The following DDHD1 variants were observed in gnomAD, a reference collection of about 807,000 sequenced individuals.
The protein encoded by DDHD1 is DDHD domain containing 1, also known as phospholipase DDHD1.
A neutral mutation model predicts 96.4 loss-of-function variants in DDHD1; 49 were observed. The ratio of observed to expected loss-of-function variants is 0.51; its 90% confidence interval spans 0.40 to 0.64. The LOEUF (loss-of-function observed/expected upper bound fraction) is 0.64. DDHD1 is among the 30% of genes least tolerant of loss of function. The pLI is 0.00. For synonymous variants in DDHD1, 442 were observed against 446.5 expected (o/e 0.99, Z 0.13); for missense variants, 1,106 against 1,161.2 (o/e 0.95, Z 0.69).
chr14:53,126,713 G>A (rs1411926966), intron 1 of DDHD1, among the ~76,000 whole-genome samples: 1 of 152,036 alleles, frequency 6.6e-6, no homozygotes, highest in Admixed American at 6.6e-5. Context: ...CAATTTCTCT[G>A]GAAAGCTTTT....
At chr14:53,063,718 T>A (rs142352107) in intron 6 of DDHD1, among the ~76,000 whole-genome samples, 1 of 152,074 alleles carries the variant, frequency 6.6e-6, no homozygotes, top group Non-Finnish European at 1.5e-5. Context: ...CACTGAATGA[T>A]TGAAGAAAAA....
chr14:53,078,457 T>TA (rs971638481), intron 4 of DDHD1, among the ~76,000 whole-genome samples: 105 of 152,240 alleles, frequency 6.9e-4, no homozygotes, highest in South Asian at 1.4e-3. Flanking sequence ...TTTACCCATT[T>TA]AAAAAAACTG....
At position 53,078,508 on chromosome 14, in the gene DDHD1, T is replaced by A. The variant is rs144980018; in HGVS notation, c.1290-4661A>T. ...AAAAACTGTTGAGTTGTAAGAGTAC[T>A]TTATATATCCTGGATCCTAGACCTT... On this transcript the variant is annotated intron_variant, in intron 4 of 12. Coordinates refer to ENST00000673822, the MANE Select transcript of DDHD1 (RefSeq NM_001160148.2). 9.2e-5 allele frequency among the ~76,000 whole-genome samples: 14 copies of A among 152,266 alleles called. No homozygotes were observed. The East Asian group carries it at 2.3e-3, about 25-fold the overall frequency.
chr14:53,037,307 TTTAAG>T lies in DDHD1; in HGVS notation c.*9456_*9460del, dbSNP rs1157747674. ...ATGCTGGGTTGAATGGTAGATCTGTTTTAAGTTATTTGAGAAATCTCCAAACTGCT... is the reference window on the plus strand; with the variant it reads ...ATGCTGGGTTGAATGGTAGATCTGTTTTATTTGAGAAATCTCCAAACTGCT... On this transcript the variant is annotated 3_prime_UTR_variant, in exon 13 of 13. Coordinates refer to ENST00000673822, the MANE Select transcript of DDHD1 (RefSeq NM_001160148.2). 1.3e-5 allele frequency: 2 copies of T among 152,112 alleles called. No individual in the cohort carries two copies. The highest frequency in any genetic ancestry group is 2.9e-5 in the Non-Finnish European group (2 of 68,006). The allele number at this position is 152,112 out of a possible 1,614,324, so 9.4% of individuals were successfully genotyped here.
At chr14:53,148,244 A>G (rs527727298) in intron 1 of DDHD1, among the ~76,000 whole-genome samples, 2 of 152,370 alleles carry the variant, frequency 1.3e-5, no homozygotes, top group Non-Finnish European at 2.9e-5. Context: ...TTATTAGTTT[A>G]GTCAATGAAT....
Position 53,099,277 on chromosome 14 carries a change from A to G in DDHD1, c.1012+4406T>C, listed in dbSNP as rs563151059. ...ATAGTATAATTATCAAAACTAAGAC[A>G]TTAACAGTGGTACAATACTATCAAC... On this transcript the variant is annotated intron_variant, in intron 2 of 12. Transcript: ENST00000673822. Among the ~76,000 whole-genome samples, 3 of 152,314 alleles carry G rather than the reference A, an allele frequency of 2.0e-5. No homozygotes were observed. The East Asian group carries it at 5.8e-4, about 29-fold the overall frequency.
In DDHD1 at chr14:53,153,038, C is replaced by G; in HGVS notation, c.61G>C (p.Gly21Arg). ...TCTGAGCCCAGCTCCCAGGCGCCGC[C>G]GCCGCCGCCTCGGCCGTTATGCTCG... ...SPEHNGRGGG[G>R]GAWELGSDAR... The change falls in exon 1 of 13, where the codon GGC becomes CGC. Residue 21 changes from glycine (G) to arginine (R), a missense_variant. Around this residue, in one of 2 missense-constraint regions of DDHD1, gnomAD observed 456 missense variants for 402.4 expected, o/e 1.13. Transcript: ENST00000673822. 6.7e-7 allele frequency: 1 copy of G among 1,497,448 alleles called. No individual in the cohort carries two copies. Among genetic ancestry groups the G allele is most frequent in the Non-Finnish European group, 8.9e-7 (1 of 1,129,324 alleles). 92.8% of individuals were successfully genotyped at this position (1,497,448 alleles called of 1,614,324 possible).
intron 1 of DDHD1, among the ~76,000 whole-genome samples, chr14:53,118,946 C>T (rs1239414815): frequency 1.3e-5 from 2 of 152,196 alleles, no homozygotes; most frequent in Non-Finnish European, 2.9e-5. Flanking sequence ...GAAAGCCCAT[C>T]AGACTAACGG....
chr14:53,054,158 C>T, intron 11 of DDHD1: 1 of 314,062 alleles, frequency 3.2e-6, no homozygotes, highest in South Asian at 9.2e-5. Flanking sequence ...GGGTACTTAC[C>T]CTAAAGAGAT....
At chr14:53,097,256 A>T (rs1886957278) in intron 2 of DDHD1, among the ~76,000 whole-genome samples, 1 of 152,064 alleles carries the variant, frequency 6.6e-6, no homozygotes, top group South Asian at 2.1e-4. Flanking sequence ...GAAATGTAAC[A>T]AATCTGTTGA....
rs116204468 is a variant in DDHD1, at chr14:53,141,951, T to C, written c.838+10310A>G. 6.9e-3 allele frequency among the ~76,000 whole-genome samples: 1,054 copies of C among 152,272 alleles called. 12 individuals are homozygous for C. Among genetic ancestry groups the C allele is most frequent in the African/African-American group, 0.023 (954 of 41,558 alleles). ...GTATTTTTTTTTAATTCCCAGAAGA[T>C]AGGCTTCTATTTAAAGAGCAAATAT... On this transcript the variant is annotated intron_variant, in intron 1 of 12. Coordinates refer to ENST00000673822, the MANE Select transcript of DDHD1 (RefSeq NM_001160148.2).
At chr14:53,140,248 G>A (rs1890548517) in intron 1 of DDHD1, among the ~76,000 whole-genome samples, 1 of 152,120 alleles carries the variant, frequency 6.6e-6, no homozygotes, top group South Asian at 2.1e-4. Flanking sequence ...AAAAAGCTTA[G>A]AAAGGCCTGA....
intron 1 of DDHD1, 58 bp downstream of exon 1, chr14:53,152,203 T>C: frequency 6.7e-7 from 1 of 1,488,824 alleles, no homozygotes; most frequent in South Asian, 1.3e-5. Context: ...CCCACACCGG[T>C]GCGCATCGGC....
At chr14:53,056,034 A>C (rs1450540009) in intron 9 of DDHD1, 122 bp from the exon 10 acceptor site, 3 of 778,092 alleles carry the variant, frequency 3.9e-6, no homozygotes, top group Non-Finnish European at 6.0e-6. Flanking sequence ...TAATTAAAAA[A>C]CAATAGCTAT....
At chr14:53,118,533 G>A (rs1449575619) in intron 1 of DDHD1, among the ~76,000 whole-genome samples, 4 of 152,068 alleles carry the variant, frequency 2.6e-5, no homozygotes, top group Non-Finnish European at 5.9e-5. Flanking sequence ...TTCAATAGCC[G>A]ATTCAAACAA....
chr14:53,080,450 A>T (rs1283969942), intron 4 of DDHD1, among the ~76,000 whole-genome samples: 1 of 152,164 alleles, frequency 6.6e-6, no homozygotes, highest in Non-Finnish European at 1.5e-5. Context: ...TTTTCCTATA[A>T]GGTGGTTGAA....
At chr14:53,079,710 AATAC>A (rs1287774046) in intron 4 of DDHD1, among the ~76,000 whole-genome samples, 1 of 152,204 alleles carries the variant, frequency 6.6e-6, no homozygotes, top group South Asian at 2.1e-4. Flanking sequence ...GAACCAGAGT[AATAC>A]ATACAGATCT....
At chr14:53,050,585 T>C (rs1882454195) in intron 12 of DDHD1, among the ~76,000 whole-genome samples, 1 of 152,148 alleles carries the variant, frequency 6.6e-6, no homozygotes, top group Non-Finnish European at 1.5e-5. Context: ...CTACCTTCCC[T>C]ACTAGAGTTT....
intron 7 of DDHD1, among the ~76,000 whole-genome samples, chr14:53,062,370 A>C (rs1845243613): frequency 6.6e-6 from 1 of 152,072 alleles, no homozygotes; most frequent in Admixed American, 6.6e-5. Flanking sequence ...ATATAAAGAG[A>C]ACAAAGAAGA....
Sources: gnomAD v4.1 joint callset for allele counts (sites outside exome capture counted in the v4.1 genomes callset) on GRCh38, gnomAD v4.1.1 for gene constraint, gnomAD v4.1.1 regional missense constraint, MANE v1.5 for transcripts, NCBI Gene and HGNC (gene_info 2026-07-23, HGNC 2026-07-21) for gene names.